Variants in NAALADL2 observed in about 807,000 individuals in gnomAD.
NAALADL2 encodes the protein N-acetylated alpha-linked acidic dipeptidase like 2, also known as inactive N-acetylated-alpha-linked acidic dipeptidase-like protein 2.
Under a neutral mutation model 87.2 loss-of-function variants are expected in NAALADL2, and 76 were observed. That is an observed-to-expected ratio of 0.87 (90% CI 0.72 to 1.05). The LOEUF (loss-of-function observed/expected upper bound fraction) is 1.05. NAALADL2 is among the 50% of genes least tolerant of loss of function. The pLI is 0.00. For missense variants in NAALADL2, 1,089 were observed against 945.8 expected (o/e 1.15, Z -1.99); for synonymous variants, 354 against 331.0 (o/e 1.07, Z -0.75).
chr3:174,572,145 T>C (rs1030971778), intron 2 of NAALADL2, among the ~76,000 whole-genome samples: 8 of 152,170 alleles, frequency 5.3e-5, no homozygotes, highest in Admixed American at 2.6e-4. Context: ...TTCTTAGTTA[T>C]TGAGACAGAG....
At chr3:175,523,160 T>C (rs529607115) in intron 9 of NAALADL2, among the ~76,000 whole-genome samples, 2 of 152,308 alleles carry the variant, frequency 1.3e-5, no homozygotes, top group South Asian at 4.1e-4. Flanking sequence ...AGTTATCAAA[T>C]AGGGGTGATG....
chr3:175,733,757 T>G (rs979765565), intron 11 of NAALADL2, among the ~76,000 whole-genome samples: 1 of 145,816 alleles, frequency 6.9e-6, no homozygotes, highest in Admixed American at 6.8e-5. Context: ...ACTTCTTAGA[T>G]ACAATGAGGT....
chr3:175,442,538 C>T (rs374430299), intron 5 of NAALADL2, among the ~76,000 whole-genome samples: 1 of 152,244 alleles, frequency 6.6e-6, no homozygotes, highest in Non-Finnish European at 1.5e-5. Flanking sequence ...ACTTTGGTGT[C>T]ACCTTGGTAG....
intron 10 of NAALADL2, among the ~76,000 whole-genome samples, chr3:175,593,493 G>C (rs958204859): frequency 6.6e-6 from 1 of 152,130 alleles, no homozygotes; most frequent in Non-Finnish European, 1.5e-5. Context: ...AGTTTCCAAA[G>C]TCCCACAAAC....
chr3:174,814,182 C>T (rs1044259654), intron 3 of NAALADL2, among the ~76,000 whole-genome samples: 1 of 152,018 alleles, frequency 6.6e-6, no homozygotes, highest in African/African-American at 2.4e-5. Context: ...AATCTTAGCT[C>T]ACTGCAAGCT....
intron 1 of NAALADL2, among the ~76,000 whole-genome samples, chr3:174,885,876 GTTTTTTTTTTTTTTTT>G (rs60403770): frequency 2.0e-5 from 2 of 101,642 alleles, no homozygotes; most frequent in African/African-American, 7.5e-5. Context: ...AGTCCGAGTT[GTTTTTTTTTTTTTTTT>G]TTTTTTTTTT....
At chr3:175,759,075 C>A (rs1024111816) in intron 13 of NAALADL2, among the ~76,000 whole-genome samples, 1 of 152,058 alleles carries the variant, frequency 6.6e-6, no homozygotes, top group Non-Finnish European at 1.5e-5. Flanking sequence ...GATCTGGAAA[C>A]AGAGGATTCA....
At chr3:175,499,072 T>C (rs1321022598) in intron 9 of NAALADL2, among the ~76,000 whole-genome samples, 1 of 152,122 alleles carries the variant, frequency 6.6e-6, no homozygotes, top group African/African-American at 2.4e-5. Context: ...TTATTATGCA[T>C]TTTCTTTGTA....
intron 2 of NAALADL2, among the ~76,000 whole-genome samples, chr3:175,134,318 A>G (rs73041359): frequency 0.033 from 5,062 of 152,254 alleles, 252 homozygotes; most frequent in African/African-American, 0.11. Flanking sequence ...TTGTTTTCCA[A>G]CTGCAGAGTT....
In NAALADL2 at chr3:175,627,358, C is replaced by T. The variant is rs1433549692; in HGVS notation, c.1868C>T (p.Ser623Phe). 1.9e-6 allele frequency: 3 copies of T among 1,563,516 alleles called. No homozygotes were observed. The highest frequency in any genetic ancestry group is 2.6e-6 in the Non-Finnish European group (3 of 1,151,660). ...ACAAAAATTGAAGAAATGGATCCCTCTTTCAACCTTCATGAAACCATTACT... is the reference window on the plus strand; with the variant it reads ...ACAAAAATTGAAGAAATGGATCCCTTTTTCAACCTTCATGAAACCATTACT... ...RATKIEEMDP[S>F]FNLHETITKL... Residue 623 changes from serine (S) to phenylalanine (F), a missense_variant, in exon 11 of 14, where the codon TCT (serine) becomes TTT (phenylalanine). Ser to Phe is a radical substitution (Grantham distance 155). Coordinates refer to ENST00000454872, the MANE Select transcript of NAALADL2 (RefSeq NM_207015.3).
chr3:175,141,595 C>G (rs1730001418), intron 2 of NAALADL2, among the ~76,000 whole-genome samples: 1 of 151,964 alleles, frequency 6.6e-6, no homozygotes, highest in Non-Finnish European at 1.5e-5. Context: ...ATGTAGAAAT[C>G]TACATATTTC....
chr3:175,730,743 C>T (rs1187897542), intron 11 of NAALADL2, among the ~76,000 whole-genome samples: 1 of 151,746 alleles, frequency 6.6e-6, no homozygotes, highest in Non-Finnish European at 1.5e-5. Flanking sequence ...ATTTTTAGTT[C>T]TTTACAGTTT....
At chr3:175,192,244 A>C (rs116399856) in intron 2 of NAALADL2, among the ~76,000 whole-genome samples, 4,493 of 152,154 alleles carry the variant, frequency 0.03, 205 homozygotes, top group African/African-American at 0.1. Flanking sequence ...TTTATAAATA[A>C]AGTAAAGCTA....
In NAALADL2 at chr3:175,498,128, C is replaced by T. The variant is rs1000591408; in HGVS notation, c.1653+26370C>T. Among the ~76,000 whole-genome samples the T allele has an allele frequency of 2.0e-5, 3 of 151,950 alleles. 1 individual carries two copies. The highest frequency in any genetic ancestry group is 1.3e-4 in the Admixed American group (2 of 15,234). On this transcript the variant is annotated intron_variant, in intron 9 of 13. Coordinates refer to ENST00000454872, the MANE Select transcript of NAALADL2 (RefSeq NM_207015.3). ...TAGTGAACTTGAAAACAGACTATTACAGATAGCACAGTCAGAAAGGAGAAA... is the reference window on the plus strand; with the variant it reads ...TAGTGAACTTGAAAACAGACTATTATAGATAGCACAGTCAGAAAGGAGAAA...
chr3:174,484,280 A>G (rs1473888617), intron 1 of NAALADL2, among the ~76,000 whole-genome samples: 1 of 64,440 alleles, frequency 1.6e-5, no homozygotes, highest in Non-Finnish European at 2.8e-5. Flanking sequence ...TATAGGCAGT[A>G]TTTGCTGACG....
At chr3:174,820,369 G>A (rs73051884) in intron 3 of NAALADL2, among the ~76,000 whole-genome samples, 3,659 of 152,172 alleles carry the variant, frequency 0.024, 135 homozygotes, top group African/African-American at 0.084. Context: ...GGGTAATGGA[G>A]CATATACAAT....
rs556149234 is a variant in NAALADL2, at chr3:175,737,169, G to T, written c.1897-137G>T. 143 of 558,074 alleles carry T rather than the reference G, an allele frequency of 2.6e-4. No homozygotes were observed. The African/African-American group carries it at 2.7e-3, about 11-fold the overall frequency. 34.6% of individuals were successfully genotyped at this position (558,074 alleles called of 1,614,324 possible). ...TAAATAAAGATTTAAAAGAAAAAGAGATTTTATAAAACTATATTATTCCTG... is the reference window on the plus strand; with the variant it reads ...TAAATAAAGATTTAAAAGAAAAAGATATTTTATAAAACTATATTATTCCTG... On this transcript the variant is annotated intron_variant, in intron 11 of 13. Transcript: ENST00000454872.
chr3:174,690,493 C>T (rs975694477), intron 2 of NAALADL2, among the ~76,000 whole-genome samples: 1 of 152,156 alleles, frequency 6.6e-6, no homozygotes, highest in Non-Finnish European at 1.5e-5. Flanking sequence ...CTGCTTCTCT[C>T]TGCTGTCAGC....
chr3:174,738,616 G>A (rs554829376), intron 3 of NAALADL2, among the ~76,000 whole-genome samples: 3 of 152,198 alleles, frequency 2.0e-5, no homozygotes, highest in East Asian at 3.9e-4. Flanking sequence ...AAGTTGGGGA[G>A]GAGCCCTGGA....
Sources: allele counts gnomAD v4.1 joint callset (sites outside exome capture counted in the v4.1 genomes callset), GRCh38; gene constraint gnomAD v4.1.1; transcripts MANE v1.5; gene names NCBI Gene and HGNC (gene_info 2026-07-23, HGNC 2026-07-21).